Variants in WFDC8 observed in about 807,000 individuals in gnomAD.
WFDC8 encodes the protein WAP four-disulfide core domain 8, also known as WAP four-disulfide core domain protein 8.
In WFDC8, 24 loss-of-function variants were observed where a neutral mutation model predicts 27.0. That is an observed-to-expected ratio of 0.89 (90% confidence interval 0.64 to 1.25). WFDC8 has a LOEUF of 1.25. WFDC8 is among the 50% of genes most tolerant of loss of function. The pLI is 0.00. For synonymous variants in WFDC8, 106 were observed against 99.7 expected (o/e 1.06, Z -0.38); for missense variants, 287 against 295.9 (o/e 0.97, Z 0.22).
chr20:45,570,783 C>T (rs1980840178), intron 1 of WFDC8, among the ~76,000 whole-genome samples: 1 of 152,204 alleles, frequency 6.6e-6, no homozygotes, highest in Non-Finnish European at 1.5e-5. Flanking sequence ...AATGCATGCA[C>T]TACTCTCCTA....
rs779926745 is a variant in WFDC8 at position 45,558,921 on chromosome 20, A to G, written c.208T>C (p.Phe70Leu). The change falls in exon 3 of 6, where the codon TTT becomes CTT. Residue 70 changes from phenylalanine (F) to leucine (L), a missense_variant. Phe to Leu is a conservative substitution (Grantham distance 22, BLOSUM62 0). Coordinates refer to ENST00000289953, the MANE Select transcript of WFDC8 (RefSeq NM_130896.3). ...CACTTCTGGTATTCCTTGCAGTCAAAATCTGTGTTACATGAGTCCGGAAGT... is the reference window on the plus strand; with the variant it reads ...CACTTCTGGTATTCCTTGCAGTCAAGATCTGTGTTACATGAGTCCGGAAGT... ...TELPDSCNTDFDCKEYQKCCF... is the reference protein window; with the variant it reads ...TELPDSCNTDLDCKEYQKCCF... 6.2e-7 allele frequency: 1 copy of G among 1,614,196 alleles called. No homozygotes were observed.
rs112372446 is a variant in WFDC8 at position 45,554,256 on chromosome 20, G to A, written c.446-980C>T. On this transcript the variant is annotated intron_variant, in intron 4 of 5. Transcript: ENST00000289953. ...CTGCCTAGGCTGGTCTCAAACTCCTGGGCTCAAGTGATCCTCTTGCCTCAG... is the reference window on the plus strand; with the variant it reads ...CTGCCTAGGCTGGTCTCAAACTCCTAGGCTCAAGTGATCCTCTTGCCTCAG... Among the ~76,000 whole-genome samples the A allele has an allele frequency of 4.9e-3, 744 of 152,128 alleles. 4 individuals carry two copies. The highest frequency in any genetic ancestry group is 9.2e-3 in the Non-Finnish European group (628 of 68,010).
chr20:45,578,650 G>A (rs568084015), intron 1 of WFDC8, among the ~76,000 whole-genome samples: 45 of 141,378 alleles, frequency 3.2e-4, no homozygotes, highest in Admixed American at 2.1e-3. Flanking sequence ...TCCACGGGCC[G>A]TTCTAAAATT....
intron 4 of WFDC8, among the ~76,000 whole-genome samples, chr20:45,554,095 C>A (rs981208031): frequency 6.6e-5 from 10 of 152,134 alleles, no homozygotes; most frequent in Non-Finnish European, 1.2e-4. Context: ...GGAATACCTC[C>A]TCAAGTGATC....
At chr20:45,576,131 AC>A (rs759907115) in intron 1 of WFDC8, among the ~76,000 whole-genome samples, 2 of 151,470 alleles carry the variant, frequency 1.3e-5, no homozygotes, top group Non-Finnish European at 3.0e-5. Flanking sequence ...AACACTCCGT[AC>A]ATATCTCCAT....
At chr20:45,553,689 G>A (rs1181702988) in intron 4 of WFDC8, among the ~76,000 whole-genome samples, 2 of 152,124 alleles carry the variant, frequency 1.3e-5, no homozygotes, top group Non-Finnish European at 2.9e-5. Context: ...TGACTATTGT[G>A]TTTATAATAG....
chr20:45,570,796 A>T (rs1159565669), intron 1 of WFDC8, among the ~76,000 whole-genome samples: 1 of 152,234 alleles, frequency 6.6e-6, no homozygotes, highest in Non-Finnish European at 1.5e-5. Flanking sequence ...CTCTCCTAAG[A>T]GTTCCACTTG....
intron 1 of WFDC8, among the ~76,000 whole-genome samples, chr20:45,565,741 C>A (rs1215086411): frequency 6.6e-6 from 1 of 152,112 alleles, no homozygotes; most frequent in East Asian, 1.9e-4. Context: ...GCTGTCTACC[C>A]TAGAAATAGG....
intron 3 of WFDC8, among the ~76,000 whole-genome samples, chr20:45,558,225 A>C (rs998146480): frequency 2.2e-4 from 34 of 152,116 alleles, no homozygotes; most frequent in African/African-American, 8.2e-4. Context: ...GAATTACCCA[A>C]TCAAAGCCCA....
chr20:45,573,718 G>C (rs1447637538), intron 1 of WFDC8, among the ~76,000 whole-genome samples: 1 of 152,022 alleles, frequency 6.6e-6, no homozygotes, highest in Non-Finnish European at 1.5e-5. Flanking sequence ...GTGCAATAAG[G>C]GTTCAATTTT....
intron 4 of WFDC8, among the ~76,000 whole-genome samples, chr20:45,554,178 GTT>G (rs1262718555): frequency 1.3e-5 from 2 of 151,624 alleles, no homozygotes; most frequent in African/African-American, 4.8e-5. Context: ...TTGTGTTTTT[GTT>G]TTTGTTTTTG....
chr20:45,569,829 TAC>T (rs1279120319), intron 1 of WFDC8, among the ~76,000 whole-genome samples: 9 of 152,156 alleles, frequency 5.9e-5, no homozygotes, highest in African/African-American at 1.9e-4. Flanking sequence ...ATGTGATACA[TAC>T]ACACAATGGA....
chr20:45,553,560 A>T (rs1980126352), intron 4 of WFDC8, among the ~76,000 whole-genome samples: 1 of 152,212 alleles, frequency 6.6e-6, no homozygotes, highest in African/African-American at 2.4e-5. Flanking sequence ...TGAAATCTAC[A>T]CAAATCAGTG....
intron 1 of WFDC8, among the ~76,000 whole-genome samples, chr20:45,573,360 T>C (rs982030487): frequency 1.3e-5 from 2 of 152,168 alleles, no homozygotes; most frequent in African/African-American, 4.8e-5. Context: ...CATGAATAGA[T>C]TGTATAGTGG....
At chr20:45,568,795 C>A in intron 1 of WFDC8, 1 of 423,318 alleles carries the variant, frequency 2.4e-6, no homozygotes. Context: ...AACATGTCTT[C>A]ACACAAAGAC....
intron 5 of WFDC8, among the ~76,000 whole-genome samples, chr20:45,552,730 T>A (rs1198579157): frequency 6.6e-6 from 1 of 152,140 alleles, no homozygotes; most frequent in African/African-American, 2.4e-5. Context: ...GCTACTAATG[T>A]TTTCCCCAGC....
At chr20:45,558,780 A>C (rs190244324) in intron 3 of WFDC8, 72 bp downstream of exon 3, 79 of 1,587,502 alleles carry the variant, frequency 5.0e-5, no homozygotes, top group Admixed American at 1.6e-4. Context: ...CTGCCATCCA[A>C]GGGAATCCCT....
chr20:45,553,260 G>A lies in WFDC8; in HGVS notation c.462C>T (p.Cys154=). The change falls in exon 5 of 6, where the codon TGC becomes TGT. Residue 154 remains cysteine, a synonymous_variant. Transcript: ENST00000289953. ...TACGTTCAGTGAAAGGGAAGAGTGG[G>A]CATTGTCCATCCTTAACTAAAATAA... ...ACMLIVKDGQ[C]PLFPFTERKE... 1.2e-6 allele frequency: 2 copies of A among 1,613,472 alleles called. No individual in the cohort carries two copies. Among genetic ancestry groups the A allele is most frequent in the Non-Finnish European group, 1.7e-6 (2 of 1,179,622 alleles).
chr20:45,552,591 C>A (rs1312955479), intron 5 of WFDC8, among the ~76,000 whole-genome samples: 1 of 152,214 alleles, frequency 6.6e-6, no homozygotes, highest in African/African-American at 2.4e-5. Flanking sequence ...AAGCCTTGGA[C>A]TCCTGCCACC....
Sources: allele counts gnomAD v4.1 joint callset (sites outside exome capture counted in the v4.1 genomes callset), GRCh38; gene constraint gnomAD v4.1.1; transcripts MANE v1.5; gene names NCBI Gene and HGNC (gene_info 2026-07-23, HGNC 2026-07-21).